The following TCP11 variants were observed in gnomAD, a reference collection of about 807,000 sequenced individuals.
TCP11 encodes the protein t-complex 11.
A neutral mutation model predicts 45.0 loss-of-function variants in TCP11; 34 were observed. The observed-to-expected ratio is 0.76, with a 90% CI of 0.57 to 1.01. The LOEUF is 1.01. Ranked by LOEUF, TCP11 falls within the 50% of genes least tolerant of loss-of-function variation. The pLI, the probability that TCP11 is intolerant of heterozygous loss-of-function variation, is 0.00. For missense variants in TCP11, 523 were observed against 598.1 expected, an observed-to-expected ratio of 0.87 and a Z score of 1.31; for synonymous variants, 227 against 227.0, an observed-to-expected ratio of 1.00 and a Z score of 0.00.
Position 35,120,015 on chromosome 6 carries a change from TG to T in TCP11, c.1115+143del. ...TTTGTTACACCCTCATGACCACTTA[TG>T]GAAAGAAACCAACAATCTTTGTAGA... On this transcript the variant is annotated intron_variant, in intron 8 of 9. Coordinates refer to ENST00000311875, the MANE Select transcript of TCP11 (RefSeq NM_001370687.1). This position sits in a 1 kb window ranked among gnomAD's most constrained non-coding sequence, Gnocchi z 4.9. 1 of 1,121,546 alleles carries T rather than the reference TG, an allele frequency of 8.9e-7. No individual in the cohort carries two copies. The highest frequency in any genetic ancestry group is 1.2e-6 in the Non-Finnish European group (1 of 813,168). 69.5% of individuals were successfully genotyped at this position (1,121,546 alleles called of 1,614,324 possible). A position where few individuals can be genotyped will look rare whatever the true frequency, so the allele number is the denominator to read the frequency against.
At chr6:35,138,328 A>C (rs974343573) in intron 2 of TCP11, among the ~76,000 whole-genome samples, 7 of 152,228 alleles carry the variant, frequency 4.6e-5, no homozygotes, top group African/African-American at 1.7e-4. Context: ...CAAGATTTGG[A>C]AGCAACCTGT....
intron 4 of TCP11, among the ~76,000 whole-genome samples, chr6:35,122,668 T>A (rs1171322846): frequency 1.3e-5 from 2 of 152,126 alleles, no homozygotes; most frequent in Admixed American, 1.3e-4. Flanking sequence ...CTCTTAACTT[T>A]AAAAGGGAGG....
In TCP11 at chr6:35,120,062, G is replaced by T; in HGVS notation, c.1115+97C>A. On this transcript the variant is annotated intron_variant, in intron 8 of 9. Transcript: ENST00000311875. The surrounding 1 kb of genome is among the most constrained non-coding windows in gnomAD (Gnocchi z 4.9). ...GTAGATGGTTCCACAGGGCCTTTCTGTGGTTTGTGGTAGACAGTAAGCAAT... is the reference window on the plus strand; with the variant it reads ...GTAGATGGTTCCACAGGGCCTTTCTTTGGTTTGTGGTAGACAGTAAGCAAT... The T allele has an allele frequency of 6.9e-7, 1 of 1,443,606 alleles. No individual in the cohort carries two copies. The highest frequency in any genetic ancestry group is 9.3e-7 in the Non-Finnish European group (1 of 1,071,900). The allele number at this position is 1,443,606 out of a possible 1,614,324, so 89.4% of individuals were successfully genotyped here.
chr6:35,118,575 C>T, intron 9 of TCP11, 74 bp from the exon 10 acceptor site: 1 of 1,351,318 alleles, frequency 7.4e-7, no homozygotes, highest in East Asian at 2.4e-5. Flanking sequence ...CTGCACTCTA[C>T]TCACCCATGT....
At chr6:35,131,545 G>A (rs1485217677) in intron 3 of TCP11, among the ~76,000 whole-genome samples, 3 of 152,090 alleles carry the variant, frequency 2.0e-5, no homozygotes, top group Non-Finnish European at 4.4e-5. Flanking sequence ...TCCAGCCTGG[G>A]TGACACAGCA....
At chr6:35,140,234 TAAGAG>T in intron 2 of TCP11, 1 of 1,505,122 alleles carries the variant, frequency 6.6e-7, no homozygotes. Context: ...CTCTGGAGAT[TAAGAG>T]AAATACAGCA....
At chr6:35,130,976 T>G (rs897010400) in intron 3 of TCP11, among the ~76,000 whole-genome samples, 3 of 152,198 alleles carry the variant, frequency 2.0e-5, no homozygotes, top group Admixed American at 2.0e-4. Flanking sequence ...GTCCTTCAAC[T>G]GATAAATAAA....
At chr6:35,140,965 G>GT in intron 1 of TCP11, 81 bp from the exon 2 acceptor site, 2 of 1,288,074 alleles carry the variant, frequency 1.6e-6, no homozygotes, top group Non-Finnish European at 2.1e-6. Context: ...GGGGCGGCGG[G>GT]AAGGGGGGTA....
At chr6:35,119,452 C>T in intron 8 of TCP11, 61 bp from the exon 9 acceptor site, 2 of 1,581,240 alleles carry the variant, frequency 1.3e-6, no homozygotes, top group Admixed American at 1.7e-5. Flanking sequence ...GGCCCAGGGC[C>T]CAGCATGCTG....
At chr6:35,140,640 CGA>C (rs1562014290) in intron 2 of TCP11, 105 bp downstream of exon 2, 1 of 718,362 alleles carries the variant, frequency 1.4e-6, no homozygotes. Context: ...GAAAGACAAA[CGA>C]GAGAGGGATA....
chr6:35,129,040 T>C, intron 4 of TCP11, 22 bp downstream of exon 4: 1 of 1,611,066 alleles, frequency 6.2e-7, no homozygotes, highest in Non-Finnish European at 8.5e-7. Context: ...AACTTTACAT[T>C]TACAAATGGA....
intron 3 of TCP11, among the ~76,000 whole-genome samples, chr6:35,129,862 C>T (rs1200562444): frequency 6.6e-6 from 1 of 152,212 alleles, no homozygotes; most frequent in African/African-American, 2.4e-5. Context: ...GAAGCCTCAA[C>T]CTCCCACGCG....
chr6:35,119,147 T>C (rs1174439300), intron 9 of TCP11, 81 bp downstream of exon 9: 1 of 1,545,270 alleles, frequency 6.5e-7, no homozygotes, highest in East Asian at 2.3e-5. Context: ...TGACCATGCT[T>C]CATGTTGTTA....
chr6:35,140,984 A>C, intron 1 of TCP11, 100 bp from the exon 2 acceptor site: 1 of 1,389,918 alleles, frequency 7.2e-7, no homozygotes. Flanking sequence ...TAGCGGCCTC[A>C]GGGTCTTGGG....
In TCP11 at chr6:35,134,890, G is replaced by A. The variant is rs552270167; in HGVS notation, c.236+1217C>T. 1.2e-4 allele frequency among the ~76,000 whole-genome samples: 19 copies of A among 152,072 alleles called. 1 individual carries two copies. The highest frequency in any genetic ancestry group is 8.5e-4 in the Admixed American group (13 of 15,282). On this transcript the variant is annotated intron_variant, in intron 3 of 9. Transcript: ENST00000311875. ...AAGCGGGCCGGGTACGGTGGCTCAC[G>A]CCTGTAATGCCAGCACTTTGGGAGG...
At chr6:35,135,797 A>C (rs139345667) in intron 3 of TCP11, among the ~76,000 whole-genome samples, 43 of 152,310 alleles carry the variant, frequency 2.8e-4, no homozygotes, top group African/African-American at 9.9e-4. Flanking sequence ...ATTTTGGGGT[A>C]ATTTGTTATG....
intron 2 of TCP11, chr6:35,137,604 A>G (rs924303940): frequency 6.0e-5 from 13 of 215,652 alleles, no homozygotes; most frequent in Non-Finnish European, 1.0e-4. Flanking sequence ...CAGCATGGGT[A>G]TTTGGCAACC....
rs1157125636 is a variant in TCP11, at chr6:35,120,370, G to A, written c.934-30C>T. ...GAACCAGGGAAGAACAGGCTGTCAG[G>A]GGAAGTCCCGATGGAAGCCCTGAAC... On this transcript the variant is annotated intron_variant, in intron 7 of 9. Coordinates refer to ENST00000311875, the MANE Select transcript of TCP11 (RefSeq NM_001370687.1). This position sits in a 1 kb window ranked among gnomAD's most constrained non-coding sequence, Gnocchi z 4.9. 4 of 1,603,400 alleles carry A rather than the reference G, an allele frequency of 2.5e-6. No homozygotes were observed. Among genetic ancestry groups the A allele is most frequent in the South Asian group, 1.1e-5 (1 of 90,030 alleles).
chr6:35,129,026 T>C lies in TCP11; in HGVS notation c.357+36A>G, dbSNP rs375244056. 19 of 1,608,660 alleles carry C rather than the reference T, an allele frequency of 1.2e-5. No individual in the cohort carries two copies. In the African/African-American group the frequency reaches 2.0e-4, roughly 17 times the overall value. On this transcript the variant is annotated intron_variant, in intron 4 of 9. Coordinates refer to ENST00000311875, the MANE Select transcript of TCP11 (RefSeq NM_001370687.1). ...GACACTCCAATGAGCTGGAGATGTC[T>C]AGAAACTTTACATTTACAAATGGAA...
Sources: allele counts gnomAD v4.1 joint callset (sites outside exome capture counted in the v4.1 genomes callset), GRCh38; gene constraint gnomAD v4.1.1; non-coding constraint Gnocchi (gnomAD v3.1); transcripts MANE v1.5; gene names NCBI Gene and HGNC (gene_info 2026-07-23, HGNC 2026-07-21).